Variants in DOCK7 observed in about 807,000 individuals in gnomAD.
The protein encoded by DOCK7 is dedicator of cytokinesis protein 7.
Under a neutral mutation model 271.0 loss-of-function variants are expected in DOCK7, and 138 were observed. That is an observed-to-expected ratio of 0.51 (90% confidence interval 0.44 to 0.59). The LOEUF (loss-of-function observed/expected upper bound fraction) is 0.59, where lower values mean the gene tolerates loss of function less well. Among genes scored for constraint, DOCK7 ranks in the 20% least tolerant of loss-of-function variants. DOCK7 has a pLI of 0.00. For synonymous variants in DOCK7, 823 were observed against 876.1 expected (o/e 0.94, Z 1.07); for missense variants, 2,066 against 2,592.4 (o/e 0.80, Z 4.41).
chr1:62,463,398 T>C (rs543737427), intron 48 of DOCK7, among the ~76,000 whole-genome samples: 1 of 152,284 alleles, frequency 6.6e-6, no homozygotes, highest in African/African-American at 2.4e-5. Context: ...TTACACACTT[T>C]TGAAAAAAAT....
At chr1:62,552,093 A>G (rs1193065184) in intron 22 of DOCK7, among the ~76,000 whole-genome samples, 1 of 152,176 alleles carries the variant, frequency 6.6e-6, no homozygotes, top group East Asian at 1.9e-4. Flanking sequence ...CCTATGCAGT[A>G]TATAAATATA....
chr1:62,545,214 T>A lies in DOCK7; in HGVS notation c.2767-175A>T, dbSNP rs181806989. On this transcript the variant is annotated intron_variant, in intron 22 of 49. Transcript: ENST00000635253. ...GTATTAGTTCATCAAAATTATCTTA[T>A]TATATAACACAATTTTAAAAAAAAT... is the stretch of plus-strand genomic sequence containing the variant. Among the ~76,000 whole-genome samples, 3 of 152,296 alleles carry A rather than the reference T, an allele frequency of 2.0e-5. No individual in the cohort carries two copies. The East Asian group carries it at 5.8e-4, about 29-fold the overall frequency.
At chr1:62,678,488 C>A (rs1429291655) in intron 1 of DOCK7, among the ~76,000 whole-genome samples, 1 of 152,082 alleles carries the variant, frequency 6.6e-6, no homozygotes, top group Non-Finnish European at 1.5e-5. Context: ...CATTGTACAA[C>A]ATAAAGAAGA....
chr1:62,524,813 G>T (rs950346159), intron 31 of DOCK7, among the ~76,000 whole-genome samples: 1 of 150,292 alleles, frequency 6.7e-6, no homozygotes, highest in East Asian at 2.0e-4. Flanking sequence ...CAAGAGAATC[G>T]CTTGAACCTA....
intron 1 of DOCK7, among the ~76,000 whole-genome samples, chr1:62,682,477 TG>T (rs1397902155): frequency 4.6e-5 from 7 of 152,162 alleles, no homozygotes; most frequent in Non-Finnish European, 1.0e-4. Context: ...AAACCAGACC[TG>T]CCATCAAAGA....
intron 14 of DOCK7, chr1:62,603,840 C>T (rs1396910697): frequency 2.4e-6 from 2 of 832,898 alleles, no homozygotes; most frequent in African/African-American, 3.4e-5. Flanking sequence ...TTTTAAGATA[C>T]ACTAAAATGA....
intron 37 of DOCK7, among the ~76,000 whole-genome samples, chr1:62,503,875 G>A (rs1308971302): frequency 3.9e-5 from 6 of 151,934 alleles, no homozygotes; most frequent in Non-Finnish European, 5.9e-5. Flanking sequence ...GTGAAACCCC[G>A]TCTCTACTAA....
intron 37 of DOCK7, among the ~76,000 whole-genome samples, chr1:62,501,074 G>T (rs190088575): frequency 6.6e-6 from 1 of 152,034 alleles, no homozygotes; most frequent in Non-Finnish European, 1.5e-5. Flanking sequence ...TGGGCAGGGC[G>T]AGGTGGCTCA....
intron 1 of DOCK7, among the ~76,000 whole-genome samples, chr1:62,669,744 C>T (rs1478476779): frequency 1.3e-5 from 2 of 152,248 alleles, no homozygotes; most frequent in African/African-American, 4.8e-5. Context: ...TCAGAGCCCT[C>T]GCTTGCTCTC....
intron 34 of DOCK7, 133 bp from the exon 35 acceptor site, chr1:62,508,191 T>A: frequency 2.4e-6 from 2 of 820,118 alleles, no homozygotes; most frequent in Non-Finnish European, 3.6e-6. Context: ...TACAAGAGAA[T>A]AAGAAAAAAG....
chr1:62,592,482 A>T (rs1443131256), intron 14 of DOCK7, among the ~76,000 whole-genome samples: 1 of 152,182 alleles, frequency 6.6e-6, no homozygotes, highest in East Asian at 1.9e-4. Flanking sequence ...CTATTAATAC[A>T]CAGCAAGTGA....
chr1:62,625,751 TTAG>T, intron 11 of DOCK7, among the ~76,000 whole-genome samples: 1 of 152,222 alleles, frequency 6.6e-6, no homozygotes, highest in East Asian at 1.9e-4. Context: ...TCTTAGCTCT[TTAG>T]TTTGAAAGAG....
At chr1:62,512,810 T>C (rs750661419) in intron 33 of DOCK7, among the ~76,000 whole-genome samples, 1 of 150,722 alleles carries the variant, frequency 6.6e-6, no homozygotes, top group Non-Finnish European at 1.5e-5. Context: ...TATTGGGGGA[T>C]GAAGGTGTAA....
chr1:62,535,235 AACACT>A (rs1282228823), intron 29 of DOCK7, among the ~76,000 whole-genome samples: 1 of 152,246 alleles, frequency 6.6e-6, no homozygotes, highest in Middle Eastern at 3.2e-3. Flanking sequence ...GAAGAAAAAG[AACACT>A]ACTAAATGAA....
intron 1 of DOCK7, among the ~76,000 whole-genome samples, chr1:62,679,668 A>C (rs1660894468): frequency 6.6e-6 from 1 of 152,222 alleles, no homozygotes; most frequent in South Asian, 2.1e-4. Context: ...ATTGATGTAA[A>C]GCAACATTGT....
At position 62,538,359 on chromosome 1, in the gene DOCK7, ACTT is replaced by A. The variant is rs373636047; in HGVS notation, c.3301-301_3301-299del. Among the ~76,000 whole-genome samples the A allele has an allele frequency of 3.0e-3, 458 of 152,362 alleles. 3 individuals are homozygous for A. Among genetic ancestry groups the A allele is most frequent in the African/African-American group, 8.7e-3 (360 of 41,586 alleles). On this transcript the variant is annotated intron_variant, in intron 27 of 49. Transcript: ENST00000635253. ...GGGAAAACGTATATCACCAAAAATA[ACTT>A]CTTATTACTTCCTTCTTAAAAGAAA...
intron 14 of DOCK7, among the ~76,000 whole-genome samples, chr1:62,593,896 AAAG>A: frequency 6.6e-6 from 1 of 152,308 alleles, no homozygotes; most frequent in South Asian, 2.1e-4. Context: ...ACTATGTAAA[AAAG>A]AGCCAAAATA....
intron 31 of DOCK7, among the ~76,000 whole-genome samples, chr1:62,519,006 T>TAC (rs61224578): frequency 0.45 from 66,957 of 148,036 alleles, 15,565 homozygotes; most frequent in East Asian, 0.63. Flanking sequence ...AGTCATGCTA[T>TAC]ACACACACAC....
chr1:62,663,745 CTT>C (rs1425477331), intron 1 of DOCK7, among the ~76,000 whole-genome samples: 5 of 152,292 alleles, frequency 3.3e-5, no homozygotes, highest in African/African-American at 1.2e-4. Flanking sequence ...ATTTCACACA[CTT>C]TTACTGAGCA....
Sources: allele counts gnomAD v4.1 joint callset (sites outside exome capture counted in the v4.1 genomes callset), GRCh38; gene constraint gnomAD v4.1.1; transcripts MANE v1.5; gene names NCBI Gene and HGNC (gene_info 2026-07-23, HGNC 2026-07-21).